The following DIRAS2 variants were observed in gnomAD, a reference collection of about 807,000 sequenced individuals.
The protein encoded by DIRAS2 is GTP-binding protein Di-Ras2.
In DIRAS2, 5 loss-of-function variants were observed where a neutral mutation model predicts 13.9. The observed-to-expected ratio is 0.36, with a 90% CI of 0.19 to 0.76. The LOEUF (loss-of-function observed/expected upper bound fraction) is 0.76. Ranked by LOEUF, DIRAS2 falls within the 30% of genes least tolerant of loss-of-function variation. The pLI is 0.53. For synonymous variants in DIRAS2, 111 were observed against 105.4 expected, an observed-to-expected ratio of 1.05 and a Z score of -0.33; for missense variants, 191 against 263.0, an observed-to-expected ratio of 0.73 and a Z score of 1.89.
intron 1 of DIRAS2, among the ~76,000 whole-genome samples, chr9:90,628,963 TC>T (rs2118569006): frequency 6.6e-6 from 1 of 152,266 alleles, no homozygotes; most frequent in African/African-American, 2.4e-5. Context: ...CACGCCATTC[TC>T]CTGCTTCAGC....
intron 1 of DIRAS2, among the ~76,000 whole-genome samples, chr9:90,619,151 A>G (rs2118548452): frequency 6.6e-6 from 1 of 152,182 alleles, no homozygotes; most frequent in South Asian, 2.1e-4. Context: ...TCAAAAAACA[A>G]AACAAAGGCT....
intron 1 of DIRAS2, among the ~76,000 whole-genome samples, chr9:90,619,628 A>G (rs1352677548): frequency 6.6e-6 from 1 of 152,212 alleles, no homozygotes; most frequent in Non-Finnish European, 1.5e-5. Flanking sequence ...CTGTTTTGGA[A>G]AAAATTCTAG....
intron 1 of DIRAS2, among the ~76,000 whole-genome samples, chr9:90,621,763 C>A (rs993125197): frequency 1.3e-5 from 2 of 152,156 alleles, no homozygotes; most frequent in Non-Finnish European, 2.9e-5. Flanking sequence ...GAATAACAGA[C>A]CTTTGCATCT....
chr9:90,628,374 T>TTGTGAGTATATCACATAGA (rs1371402354), intron 1 of DIRAS2, among the ~76,000 whole-genome samples: 1 of 152,262 alleles, frequency 6.6e-6, no homozygotes, highest in African/African-American at 2.4e-5. Context: ...TTTCATAGAT[T>TTGTGAGTATATCACATAGA]TGTGAGTATA....
intron 1 of DIRAS2, among the ~76,000 whole-genome samples, chr9:90,638,502 C>G (rs1825390479): frequency 6.6e-6 from 1 of 152,054 alleles, no homozygotes; most frequent in Admixed American, 6.6e-5. Context: ...TAATAAGAAC[C>G]CAGTGAAGGC....
chr9:90,639,432 T>A (rs991484417), intron 1 of DIRAS2, among the ~76,000 whole-genome samples: 6 of 152,220 alleles, frequency 3.9e-5, no homozygotes, highest in African/African-American at 1.4e-4. Context: ...TAGTACAGAA[T>A]AGCCCACTAG....
chr9:90,621,445 G>T (rs148953829), intron 1 of DIRAS2, among the ~76,000 whole-genome samples: 1 of 151,996 alleles, frequency 6.6e-6, no homozygotes, highest in South Asian at 2.1e-4. Context: ...GTTCAGAAGC[G>T]CAAATTAAAG....
At chr9:90,631,689 A>G (rs374846059) in intron 1 of DIRAS2, among the ~76,000 whole-genome samples, 5 of 152,264 alleles carry the variant, frequency 3.3e-5, no homozygotes, top group African/African-American at 1.2e-4. Context: ...CAGTGGGGGC[A>G]TCTGAGATGC....
intron 1 of DIRAS2, among the ~76,000 whole-genome samples, chr9:90,626,575 A>G (rs1201741291): frequency 1.3e-5 from 2 of 152,242 alleles, no homozygotes; most frequent in Non-Finnish European, 2.9e-5. Context: ...AAGTACTACA[A>G]TGAAGTACCG....
intron 1 of DIRAS2, among the ~76,000 whole-genome samples, chr9:90,624,926 C>T (rs144368279): frequency 2.8e-4 from 43 of 152,216 alleles, no homozygotes; most frequent in East Asian, 1.4e-3. Flanking sequence ...CACACCTGGC[C>T]GCTTAATGAC....
At chr9:90,636,422 G>A (rs1286202905) in intron 1 of DIRAS2, among the ~76,000 whole-genome samples, 1 of 152,058 alleles carries the variant, frequency 6.6e-6, no homozygotes, top group Non-Finnish European at 1.5e-5. Flanking sequence ...GCCTCTGTAA[G>A]AATAAACATA....
chr9:90,619,831 C>T (rs1825203150), intron 1 of DIRAS2, among the ~76,000 whole-genome samples: 2 of 152,096 alleles, frequency 1.3e-5, no homozygotes, highest in African/African-American at 4.8e-5. Flanking sequence ...AAGTAAAATG[C>T]AATCTACCCA....
chr9:90,617,950 T>G lies in DIRAS2; in HGVS notation c.-36-4087A>C, dbSNP rs1825184444. Among the ~76,000 whole-genome samples the G allele has an allele frequency of 2.0e-5, 3 of 152,302 alleles. No homozygotes were observed. In the South Asian group the frequency reaches 6.2e-4, roughly 32 times the overall value. On this transcript the variant is annotated intron_variant, in intron 1 of 1. Coordinates refer to ENST00000375765, the MANE Select transcript of DIRAS2 (RefSeq NM_017594.5). ...CGAATAAATGGAAAAGCACCCCATG[T>G]CATGTATCAGAGGACTTTTACTGCT...
chr9:90,614,305 AATGTGT>A (rs1825145210), intron 1 of DIRAS2, among the ~76,000 whole-genome samples: 1 of 112,442 alleles, frequency 8.9e-6, no homozygotes, highest in Non-Finnish European at 1.9e-5. Flanking sequence ...TGGTCATCAT[AATGTGT>A]GTGTGTGTGT....
chr9:90,629,551 T>C (rs1047045709), intron 1 of DIRAS2, among the ~76,000 whole-genome samples: 1 of 150,230 alleles, frequency 6.7e-6, no homozygotes, highest in African/African-American at 2.4e-5. Context: ...CTGCTGACGG[T>C]GTGAAAAAAA....
intron 1 of DIRAS2, among the ~76,000 whole-genome samples, chr9:90,627,522 G>A (rs1157517067): frequency 6.6e-6 from 1 of 152,220 alleles, no homozygotes; most frequent in Non-Finnish European, 1.5e-5. Flanking sequence ...GGGGCTAAGG[G>A]AATGGAAGAA....
intron 1 of DIRAS2, among the ~76,000 whole-genome samples, chr9:90,631,285 C>A (rs979250982): frequency 1.3e-5 from 2 of 152,092 alleles, no homozygotes; most frequent in African/African-American, 4.8e-5. Context: ...TGGATAAATT[C>A]TTGAATGGAG....
intron 1 of DIRAS2, among the ~76,000 whole-genome samples, chr9:90,617,504 T>C (rs898623139): frequency 6.6e-6 from 1 of 152,232 alleles, no homozygotes; most frequent in Non-Finnish European, 1.5e-5. Context: ...CTTTCTGCAT[T>C]TGAGTTGCTT....
At chr9:90,640,124 C>T (rs1331502) in intron 1 of DIRAS2, among the ~76,000 whole-genome samples, 1 of 152,036 alleles carries the variant, frequency 6.6e-6, no homozygotes, top group African/African-American at 2.4e-5. Context: ...GCTGGCTTAA[C>T]TATATCATTA....
Sources: gnomAD v4.1 joint callset for allele counts (sites outside exome capture counted in the v4.1 genomes callset) on GRCh38, gnomAD v4.1.1 for gene constraint, MANE v1.5 for transcripts, NCBI Gene and HGNC (gene_info 2026-07-23, HGNC 2026-07-21) for gene names.